The following CEP290 variants were observed in gnomAD, a reference collection of about 807,000 sequenced individuals.
CEP290 encodes centrosomal protein of 290 kDa.
In CEP290, 317 loss-of-function variants were observed where a neutral mutation model predicts 344.9. The observed-to-expected ratio is 0.92, with a 90% CI of 0.84 to 1.01. The LOEUF (loss-of-function observed/expected upper bound fraction) is 1.01, where lower values mean the gene tolerates loss of function less well. Ranked by LOEUF, CEP290 falls within the 50% of genes least tolerant of loss-of-function variation. CEP290 has a pLI of 0.00. For missense variants in CEP290, 2,754 were observed against 2,761.4 expected (o/e 1.00, Z 0.06); for synonymous variants, 932 against 895.8 (o/e 1.04, Z -0.72).
At chr12:88,130,199 A>G in intron 9 of CEP290, 69 bp downstream of exon 9, 1 of 1,375,086 alleles carries the variant, frequency 7.3e-7, no homozygotes, top group South Asian at 1.3e-5. Flanking sequence ...GCTAAATATT[A>G]TATTTACATT....
Position 88,077,824 on chromosome 12 carries a change from T to C in CEP290, c.5459A>G (p.Asn1820Ser), listed in dbSNP as rs776980750. 6.6e-7 allele frequency: 1 copy of C among 1,525,922 alleles called. No homozygotes were observed. The highest frequency in any genetic ancestry group is 2.3e-5 in the East Asian group (1 of 43,928). The allele number at this position is 1,525,922 out of a possible 1,614,324, so 94.5% of individuals were successfully genotyped here. ...CTTTTGCAGTTCATTATTTAAGTCA[T>C]TCAAATTATCAGTTAGTGAGTTTTC... ...NRENSLTDNL[N>S]DLNNELQKKQ... Residue 1820 changes from asparagine to serine, a missense_variant, in exon 40 of 54, where the codon AAT becomes AGT. By Grantham distance (46) the Asn-to-Ser change is conservative. Coordinates refer to ENST00000552810, the MANE Select transcript of CEP290 (RefSeq NM_025114.4).
intron 5 of CEP290, among the ~76,000 whole-genome samples, chr12:88,138,216 C>T (rs1047508961): frequency 7.2e-5 from 11 of 152,116 alleles, no homozygotes; most frequent in Non-Finnish European, 7.4e-5. Flanking sequence ...CAACCCCAAT[C>T]TTGATTTTAT....
chr12:88,082,357 A>G (rs1005922357), intron 37 of CEP290, among the ~76,000 whole-genome samples: 1 of 152,136 alleles, frequency 6.6e-6, no homozygotes, highest in African/African-American at 2.4e-5. Context: ...CCTTCATATA[A>G]CCACCCTGAA....
chr12:88,139,060 C>A, intron 5 of CEP290, 85 bp downstream of exon 5: 1 of 718,950 alleles, frequency 1.4e-6, no homozygotes, highest in Non-Finnish European at 2.4e-6. Flanking sequence ...TATAATTTTT[C>A]CAGCCAACAA....
intron 43 of CEP290, 147 bp from the exon 44 acceptor site, chr12:88,068,792 CAAAT>C: frequency 1.3e-6 from 1 of 757,728 alleles, no homozygotes. Context: ...AACTTTATAA[CAAAT>C]AAATTAGGAT....
chr12:88,049,207 G>GACTT lies in CEP290; in HGVS notation c.7413_7416dup (p.Pro2473LysfsTer4). ...CTTTAGTAAATGGGGAAATTAACAG[G>GACTT]ACTTTCTTCTTCATCTTCAAACTCT... is the stretch of plus-strand genomic sequence containing the variant. On this transcript the variant is annotated frameshift_variant, in exon 54 of 54. Coordinates refer to ENST00000552810, the MANE Select transcript of CEP290 (RefSeq NM_025114.4). LOFTEE classifies it high-confidence loss of function. The GACTT allele has an allele frequency of 6.3e-7, 1 of 1,597,154 alleles. No homozygotes were observed. The highest frequency in any genetic ancestry group is 1.2e-5 in the South Asian group (1 of 86,296).
Position 88,089,162 on chromosome 12 carries a change from A to G in CEP290, c.3899T>C (p.Ile1300Thr), listed in dbSNP as rs1460182061. The part of the protein sequence containing the change: ...MIQLQNDKLK[I>T]MQEMKNSQQE... Reference sequence around the variant, plus strand: ...TTGAGAATTTTTCATTTCTTGCATTATCTTAAGTTTGTCATTTTGTAGTTG... The same window carrying G: ...TTGAGAATTTTTCATTTCTTGCATTGTCTTAAGTTTGTCATTTTGTAGTTG... The change falls in exon 31 of 54, where the codon ATA becomes ACA. Residue 1300 changes from isoleucine (I) to threonine (T), a missense_variant. Physicochemically the swap from Ile to Thr is moderately conservative, Grantham distance 89 (BLOSUM62 -1). Coordinates refer to ENST00000552810, the MANE Select transcript of CEP290 (RefSeq NM_025114.4). The G allele has an allele frequency of 2.5e-6, 4 of 1,611,500 alleles. No individual in the cohort carries two copies. The African/African-American group carries it at 4.0e-5, about 16-fold the overall frequency.
intron 6 of CEP290, among the ~76,000 whole-genome samples, chr12:88,135,255 G>C (rs1002419425): frequency 9.2e-5 from 14 of 152,184 alleles, no homozygotes; most frequent in African/African-American, 3.4e-4. Context: ...AGCCAAAAAG[G>C]AACACAGGCC....
In CEP290 at chr12:88,087,813, G is replaced by A; in HGVS notation, c.4161C>T (p.Ser1387=). ...NIISEYERTI[S]SLEEEIVQQN... The stretch of plus-strand genomic sequence containing the variant: ...GTTGCACAATTTCTTCTTCAAGACT[G>A]CTGATTGTACGTTCATATTCAGAAA... The change falls in exon 32 of 54, where the codon AGC becomes AGT. Residue 1387 remains serine, a synonymous_variant. Coordinates refer to ENST00000552810, the MANE Select transcript of CEP290 (RefSeq NM_025114.4). 1 of 1,285,758 alleles carries A rather than the reference G, an allele frequency of 7.8e-7. No individual in the cohort carries two copies. The highest frequency in any genetic ancestry group is 1.0e-6 in the Non-Finnish European group (1 of 998,760). The allele number at this position is 1,285,758 out of a possible 1,614,324, so 79.6% of individuals were successfully genotyped here.
rs1462477085 is a variant in CEP290, at chr12:88,053,575, AG to A, written c.7129+76del. On this transcript the variant is annotated intron_variant, in intron 52 of 53. Coordinates refer to ENST00000552810, the MANE Select transcript of CEP290 (RefSeq NM_025114.4). ...CAGGGAGACAATGATCAGAAATCTG[AG>A]CCAAAAAAAAAAAAAAAAGGCAAAC... is the stretch of plus-strand genomic sequence containing the variant. The A allele has an allele frequency of 1.5e-3, 1,048 of 677,186 alleles. 13 individuals carry two copies. The African/African-American group carries it at 0.017, about 11-fold the overall frequency. 41.9% of individuals were successfully genotyped at this position (677,186 alleles called of 1,614,324 possible).
intron 48 of CEP290, among the ~76,000 whole-genome samples, chr12:88,059,626 C>T (rs187585579): frequency 3.4e-3 from 518 of 152,300 alleles, no homozygotes; most frequent in Non-Finnish European, 4.9e-3. Flanking sequence ...CCAGGATGGT[C>T]TCGATCTCCT....
intron 37 of CEP290, among the ~76,000 whole-genome samples, chr12:88,081,523 A>G (rs1055385639): frequency 6.6e-6 from 1 of 152,170 alleles, no homozygotes; most frequent in Non-Finnish European, 1.5e-5. Flanking sequence ...TAAGAGGGAG[A>G]TAGTGTTAAG....
At position 88,111,847 on chromosome 12, in the gene CEP290, T is replaced by G. The variant is rs2137725550; in HGVS notation, c.2064A>C (p.Ser688=). 1 of 1,590,640 alleles carries G rather than the reference T, an allele frequency of 6.3e-7. No individual in the cohort carries two copies. The highest frequency in any genetic ancestry group is 8.6e-7 in the Non-Finnish European group (1 of 1,168,800). ...SLERLVNAIE[S]KNAEGIFDAS... Reference sequence around the variant, plus strand: ...CATCAAAGATTCCTTCTGCATTCTTTGATTCTATAGCCTAGCAAATTTATA... The same window carrying G: ...CATCAAAGATTCCTTCTGCATTCTTGGATTCTATAGCCTAGCAAATTTATA... Residue 688 remains serine, a synonymous_variant, in exon 21 of 54, where the codon TCA becomes TCC. Transcript: ENST00000552810.
chr12:88,096,268 C>T (rs574215578), intron 27 of CEP290, among the ~76,000 whole-genome samples: 4 of 152,138 alleles, frequency 2.6e-5, no homozygotes, highest in African/African-American at 9.6e-5. Context: ...AGGCTGGTCT[C>T]GAACTCCTGA....
rs1036812157 is a variant in CEP290, at chr12:88,126,324, G to A, written c.1057C>T (p.Leu353=). ...LDADKSNVMA[L]QQGIQERDSQ... is the part of the protein sequence containing the mutation. ...TTCTGTTAAGATTTTACCTGCTGTA[G>A]AGCCATAACATTACTTTTATCAGCA... Residue 353 remains leucine (L), a synonymous_variant, in exon 12 of 54, where the codon CTA becomes TTA. Coordinates refer to ENST00000552810, the MANE Select transcript of CEP290 (RefSeq NM_025114.4). 4.1e-6 allele frequency: 6 copies of A among 1,479,964 alleles called. No homozygotes were observed. In the Admixed American group the frequency reaches 1.7e-4, roughly 41 times the overall value. 91.7% of individuals were successfully genotyped at this position (1,479,964 alleles called of 1,614,324 possible). A position where few individuals can be genotyped will look rare whatever the true frequency, so the allele number is the denominator to read the frequency against.
At chr12:88,124,392 CCTTT>C (rs1456985929) in intron 13 of CEP290, among the ~76,000 whole-genome samples, 1 of 152,110 alleles carries the variant, frequency 6.6e-6, no homozygotes, top group African/African-American at 2.4e-5. Flanking sequence ...TCCTTTACTT[CCTTT>C]AAGTATTGGT....
intron 41 of CEP290, among the ~76,000 whole-genome samples, chr12:88,076,002 G>C (rs2035745033): frequency 6.6e-6 from 1 of 152,136 alleles, no homozygotes; most frequent in African/African-American, 2.4e-5. Context: ...GCATAGAAGA[G>C]TCCAGGCAAA....
At chr12:88,117,335 T>C (rs1232007136) in intron 17 of CEP290, among the ~76,000 whole-genome samples, 190 bp from the exon 18 acceptor site, 1 of 152,208 alleles carries the variant, frequency 6.6e-6, no homozygotes, top group East Asian at 1.9e-4. Context: ...CTATTAATAA[T>C]GTGAGAACCT....
In CEP290 at chr12:88,101,092, G is replaced by C. The variant is rs117411801; in HGVS notation, c.2991+1746C>G. 4.2e-3 allele frequency among the ~76,000 whole-genome samples: 636 copies of C among 152,158 alleles called. 1 individual carries two copies. The highest frequency in any genetic ancestry group is 0.01 in the Middle Eastern group (3 of 294). ...TCTTGTGGCAGTAAGGAGGATGTAA[G>C]ACTGGAGATAGAGACAGGAATAATG... On this transcript the variant is annotated intron_variant, in intron 26 of 53. Transcript: ENST00000552810.
Sources: gnomAD v4.1 joint callset for allele counts (sites outside exome capture counted in the v4.1 genomes callset) on GRCh38, gnomAD v4.1.1 for gene constraint, MANE v1.5 for transcripts, NCBI Gene and HGNC (gene_info 2026-07-23, HGNC 2026-07-21) for gene names.